SCN2A: variants seen among roughly 807,000 people sequenced by gnomAD.
SCN2A encodes the protein sodium channel protein type 2 subunit alpha.
In SCN2A, 20 loss-of-function variants were observed where a neutral mutation model predicts 188.7. The ratio of observed to expected loss-of-function variants is 0.11; its 90% confidence interval spans 0.07 to 0.15. The LOEUF is 0.15. SCN2A is among the 10% of genes least tolerant of loss of function. The pLI, the probability that SCN2A is intolerant of heterozygous loss-of-function variation, is 1.00. For synonymous variants in SCN2A, 804 were observed against 833.1 expected (o/e 0.97, Z 0.60); for missense variants, 1,278 against 2,445.0 (o/e 0.52, Z 10.07).
intron 3 of SCN2A, among the ~76,000 whole-genome samples, chr2:165,305,169 T>A (rs2105234461): frequency 6.6e-6 from 1 of 152,298 alleles, no homozygotes; most frequent in African/African-American, 2.4e-5. Context: ...GAGACAGAAA[T>A]CTAAGATTTC....
rs1230638602 is a variant in SCN2A at position 165,370,260 on chromosome 2, T to C, written c.3810T>C (p.Phe1270=). ...KWVAYGFQVY[F]TNAWCWLDFL... is the part of the protein sequence containing the mutation. The stretch of plus-strand genomic sequence containing the variant: ...TTGCATATGGTTTTCAAGTGTATTT[T>C]ACCAATGCCTGGTGCTGGCTAGACT... Residue 1270 remains phenylalanine (F), a synonymous_variant, in exon 20 of 27, where the codon TTT becomes TTC. Transcript: ENST00000375437. 7 of 1,614,188 alleles carry C rather than the reference T, an allele frequency of 4.3e-6. No homozygotes were observed. The highest frequency in any genetic ancestry group is 1.7e-5 in the Admixed American group (1 of 60,030).
intron 1 of SCN2A, chr2:165,293,710 A>G: frequency 2.4e-6 from 1 of 408,968 alleles, no homozygotes; most frequent in South Asian, 1.0e-4. Context: ...TGACATAGCA[A>G]ATAAAAAGCA....
At chr2:165,261,497 T>C (rs193158850) in intron 1 of SCN2A, among the ~76,000 whole-genome samples, 2 of 152,340 alleles carry the variant, frequency 1.3e-5, no homozygotes, top group Admixed American at 6.5e-5. Flanking sequence ...TACTAGGTGA[T>C]TGGTGTGCTG....
intron 18 of SCN2A, among the ~76,000 whole-genome samples, chr2:165,366,249 C>A (rs1256690010): frequency 6.6e-6 from 1 of 152,096 alleles, no homozygotes; most frequent in Non-Finnish European, 1.5e-5. Flanking sequence ...AATGTACATT[C>A]TTTGAGGACA....
chr2:165,283,536 C>A (rs1574496278), intron 1 of SCN2A, among the ~76,000 whole-genome samples: 2 of 152,302 alleles, frequency 1.3e-5, no homozygotes, highest in East Asian at 3.9e-4. Flanking sequence ...GAGAAAACAA[C>A]TTCCGCTTTC....
chr2:165,337,081 T>A (rs1414682897), intron 14 of SCN2A, among the ~76,000 whole-genome samples: 1 of 151,592 alleles, frequency 6.6e-6, no homozygotes, highest in Non-Finnish European at 1.5e-5. Flanking sequence ...AAAAAAGGGG[T>A]CATAAGGAAT....
rs745512680 is a variant in SCN2A at position 165,365,184 on chromosome 2, T to C, written c.3441T>C (p.Asp1147=). ...ATSSSEGSTV[D]IGAPAEGEQP... is the part of the protein sequence containing the mutation. ...GTTCATCTGAAGGCAGCACGGTTGA[T>C]ATTGGAGCTCCCGCCGAGGGAGAAC... is the stretch of plus-strand genomic sequence containing the variant. Residue 1147 remains aspartate, a synonymous_variant, in exon 18 of 27, where the codon GAT becomes GAC. Coordinates refer to ENST00000375437, the MANE Select transcript of SCN2A (RefSeq NM_001040142.2). 8.1e-6 allele frequency: 13 copies of C among 1,613,930 alleles called. No individual in the cohort carries two copies. The highest frequency in any genetic ancestry group is 1.1e-5 in the Non-Finnish European group (13 of 1,179,882).
chr2:165,388,903 C>G lies in SCN2A; in HGVS notation c.5097C>G (p.Thr1699=), dbSNP rs950010627. Residue 1699 remains threonine (T), a synonymous_variant, in exon 27 of 27, where the codon ACC becomes ACG. Coordinates refer to ENST00000375437, the MANE Select transcript of SCN2A (RefSeq NM_001040142.2). ...VGIDDMFNFE[T]FGNSMICLFQ... is the part of the protein sequence containing the mutation. The stretch of plus-strand genomic sequence containing the variant: ...TCGATGACATGTTCAACTTTGAGAC[C>G]TTTGGCAACAGCATGATCTGCCTGT... 5.6e-6 allele frequency: 9 copies of G among 1,613,884 alleles called. No individual in the cohort carries two copies. In the African/African-American group the frequency reaches 9.3e-5, roughly 17 times the overall value.
chr2:165,284,319 C>T (rs1380933625), intron 1 of SCN2A, among the ~76,000 whole-genome samples: 6 of 151,948 alleles, frequency 3.9e-5, no homozygotes, highest in African/African-American at 1.2e-4. Context: ...TACAGGTGCC[C>T]GCCACCACAC....
chr2:165,323,193 G>C lies in SCN2A; in HGVS notation c.1709G>C (p.Arg570Thr). The change falls in exon 12 of 27, where the codon AGA becomes ACA. Residue 570 changes from arginine to threonine, a missense_variant. Physicochemically the swap from Arg to Thr is moderately conservative, Grantham distance 71. This residue lies in a region of SCN2A where 315 missense variants were observed against 386.6 expected (regional missense o/e 0.81). Transcript: ENST00000375437. ...LSIRGSLFSP[R>T]RNSRASLFSF... ...ATCCGTGGCTCCCTTTTCTCTCCAA[G>C]ACGCAACAGTAGGGCGAGCCTTTTC... is the stretch of plus-strand genomic sequence containing the variant. 1.9e-6 allele frequency: 3 copies of C among 1,614,080 alleles called. No individual in the cohort carries two copies. The South Asian group carries it at 3.3e-5, about 18-fold the overall frequency.
intron 1 of SCN2A, among the ~76,000 whole-genome samples, chr2:165,279,825 C>T (rs572802453): frequency 2.0e-5 from 3 of 152,216 alleles, no homozygotes; most frequent in South Asian, 2.1e-4. Flanking sequence ...TGAATTCCCA[C>T]GTGTTGTGAG....
At chr2:165,244,296 T>C (rs1693751073) in intron 1 of SCN2A, among the ~76,000 whole-genome samples, 1 of 152,054 alleles carries the variant, frequency 6.6e-6, no homozygotes, top group African/African-American at 2.4e-5. Context: ...AAATAAAAGC[T>C]GACCTCTCTA....
intron 3 of SCN2A, among the ~76,000 whole-genome samples, chr2:165,301,519 C>A (rs1476347799): frequency 6.6e-6 from 1 of 152,118 alleles, no homozygotes; most frequent in Non-Finnish European, 1.5e-5. Flanking sequence ...GATCTTAGTC[C>A]AAGTTACTCC....
At chr2:165,339,615 C>A (rs1699200724) in intron 14 of SCN2A, among the ~76,000 whole-genome samples, 1 of 151,972 alleles carries the variant, frequency 6.6e-6, no homozygotes, top group African/African-American at 2.4e-5. Flanking sequence ...TTTCGAGACA[C>A]CTATTACTAA....
Position 165,350,763 on chromosome 2 carries a change from C to T in SCN2A, c.2920-3429C>T, listed in dbSNP as rs1377454009. Among the ~76,000 whole-genome samples the T allele has an allele frequency of 2.6e-5, 4 of 151,670 alleles. No homozygotes were observed. The South Asian group carries it at 8.4e-4, about 32-fold the overall frequency. ...GGATTACAGGCGTGAGCCACCGCGC[C>T]CGGCCTGAACTGTTTTCTTAAATTG... is the stretch of plus-strand genomic sequence containing the variant. On this transcript the variant is annotated intron_variant, in intron 16 of 26. Transcript: ENST00000375437.
chr2:165,249,827 A>G (rs1694009842), intron 1 of SCN2A, among the ~76,000 whole-genome samples: 1 of 152,076 alleles, frequency 6.6e-6, no homozygotes, highest in South Asian at 2.1e-4. Flanking sequence ...TATGCTAACT[A>G]GCTATGATAA....
intron 20 of SCN2A, chr2:165,371,251 C>T (rs1299954563): frequency 6.6e-6 from 1 of 151,886 alleles, no homozygotes; most frequent in Non-Finnish European, 1.5e-5. Flanking sequence ...ATCATATTAC[C>T]CAAAGTACTC....
At chr2:165,298,696 T>A (rs977847582) in intron 3 of SCN2A, among the ~76,000 whole-genome samples, 2 of 152,158 alleles carry the variant, frequency 1.3e-5, no homozygotes, top group African/African-American at 4.8e-5. Context: ...TGATTATAAA[T>A]TATGATCTAT....
intron 25 of SCN2A, among the ~76,000 whole-genome samples, chr2:165,385,568 A>G (rs778819747): frequency 1.3e-5 from 2 of 152,200 alleles, no homozygotes; most frequent in Non-Finnish European, 2.9e-5. Context: ...GAATCTATAC[A>G]CAGTGTCCTC....
Sources: gnomAD v4.1 joint callset for allele counts (sites outside exome capture counted in the v4.1 genomes callset) on GRCh38, gnomAD v4.1.1 for gene constraint, gnomAD v4.1.1 regional missense constraint, MANE v1.5 for transcripts, NCBI Gene and HGNC (gene_info 2026-07-23, HGNC 2026-07-21) for gene names.